Variants in HIP1 observed in about 807,000 individuals in gnomAD.
HIP1 encodes the protein huntingtin interacting protein 1, also known as huntingtin-interacting protein 1.
Under a neutral mutation model 147.6 loss-of-function variants are expected in HIP1, and 65 were observed. That is an observed-to-expected ratio of 0.44 (90% CI 0.36 to 0.54). HIP1 has a LOEUF of 0.54. Ranked by LOEUF, HIP1 falls within the 20% of genes least tolerant of loss-of-function variation. HIP1 has a pLI of 0.00. For synonymous variants in HIP1, 479 were observed against 504.0 expected, an observed-to-expected ratio of 0.95 and a Z score of 0.67; for missense variants, 1,061 against 1,299.6, an observed-to-expected ratio of 0.82 and a Z score of 2.82.
At chr7:75,563,384 A>T (rs782166263) in intron 9 of HIP1, 121 bp from the exon 10 acceptor site, 4 of 751,086 alleles carry the variant, frequency 5.3e-6, no homozygotes, top group Non-Finnish European at 9.2e-6. Context: ...TGTCAAGGAG[A>T]TAAACTCCAT....
At chr7:75,642,585 A>G (rs1554510637) in intron 1 of HIP1, among the ~76,000 whole-genome samples, 1 of 152,182 alleles carries the variant, frequency 6.6e-6, no homozygotes, top group East Asian at 1.9e-4. Context: ...TCTCAATGCT[A>G]TAGACATATC....
chr7:75,624,680 C>T (rs1288512355), intron 1 of HIP1, among the ~76,000 whole-genome samples: 3 of 152,168 alleles, frequency 2.0e-5, no homozygotes, highest in African/African-American at 7.2e-5. Context: ...CCTGGAGATC[C>T]GGCCCCCACT....
chr7:75,676,598 G>A (rs1799898222), intron 1 of HIP1, among the ~76,000 whole-genome samples: 1 of 151,838 alleles, frequency 6.6e-6, no homozygotes. Flanking sequence ...CCAACATGGT[G>A]AAACCCCGTC....
chr7:75,664,326 ATG>A (rs1799468974), intron 1 of HIP1, among the ~76,000 whole-genome samples: 4 of 145,400 alleles, frequency 2.8e-5, no homozygotes, highest in African/African-American at 2.5e-5. Context: ...ATACATACAC[ATG>A]CATATATATG....
chr7:75,641,188 C>G (rs556395470), intron 1 of HIP1, among the ~76,000 whole-genome samples: 1 of 152,118 alleles, frequency 6.6e-6, no homozygotes, highest in Non-Finnish European at 1.5e-5. Context: ...CACCTGCAAT[C>G]CCAGCCACTC....
chr7:75,649,832 TTCCA>T (rs1183792726), intron 1 of HIP1, among the ~76,000 whole-genome samples: 8 of 152,152 alleles, frequency 5.3e-5, no homozygotes, highest in African/African-American at 9.7e-5. Flanking sequence ...ACCTGGAATT[TTCCA>T]TCCCTTGGCC....
intron 1 of HIP1, chr7:75,627,098 G>A (rs2096941901): frequency 6.6e-6 from 1 of 152,176 alleles, no homozygotes; most frequent in African/African-American, 2.4e-5. Context: ...GTATTAAAAT[G>A]TACTCAGTGT....
At chr7:75,652,702 C>T (rs1297812984) in intron 1 of HIP1, among the ~76,000 whole-genome samples, 1 of 151,790 alleles carries the variant, frequency 6.6e-6, no homozygotes, top group African/African-American at 2.4e-5. Flanking sequence ...AAAAAAAACT[C>T]GTTTATAATG....
intron 8 of HIP1, among the ~76,000 whole-genome samples, chr7:75,573,325 T>A (rs1217752702): frequency 6.6e-6 from 1 of 152,164 alleles, no homozygotes; most frequent in Non-Finnish European, 1.5e-5. Context: ...AGCTGAACAC[T>A]CGACAGGACA....
At chr7:75,640,457 G>C (rs1798613763) in intron 1 of HIP1, among the ~76,000 whole-genome samples, 1 of 152,290 alleles carries the variant, frequency 6.6e-6, no homozygotes, top group Non-Finnish European at 1.5e-5. Flanking sequence ...CCTGGCTCCC[G>C]GCGGGCTCAC....
intron 8 of HIP1, among the ~76,000 whole-genome samples, chr7:75,570,868 G>C (rs1795603263): frequency 6.6e-6 from 1 of 151,814 alleles, no homozygotes; most frequent in Non-Finnish European, 1.5e-5. Flanking sequence ...AAATTAGCCA[G>C]GCATGGTGGC....
chr7:75,533,519 C>CCAA lies in HIP1; in HGVS notation c.*4650_*4652dup, dbSNP rs1309149777. ...GGTTAAAAACAGAAGAAAAACAAAC[C>CCAA]CAACCCTATCCCTGCAAACTGAAAT... On this transcript the variant is annotated 3_prime_UTR_variant, in exon 31 of 31. Transcript: ENST00000336926. 3.1e-4 allele frequency: 72 copies of CCAA among 232,124 alleles called. No homozygotes were observed. Among genetic ancestry groups the CCAA allele is most frequent in the African/African-American group, 1.5e-3 (68 of 45,360 alleles). 14.4% of individuals were successfully genotyped at this position (232,124 alleles called of 1,614,324 possible). A position where few individuals can be genotyped will look rare whatever the true frequency, so the allele number is the denominator to read the frequency against.
intron 1 of HIP1, among the ~76,000 whole-genome samples, chr7:75,718,950 G>A (rs1554520847): frequency 6.6e-6 from 1 of 152,108 alleles, no homozygotes; most frequent in Non-Finnish European, 1.5e-5. Flanking sequence ...TAATCAGGGA[G>A]CAGATAAACC....
At chr7:75,583,757 TG>T (rs1554499048) in intron 5 of HIP1, among the ~76,000 whole-genome samples, 8 of 6,280 alleles carry the variant, frequency 1.3e-3, no homozygotes, top group Admixed American at 5.1e-3. Flanking sequence ...CGGGCTAATT[TG>T]TGTGTGTGTG....
chr7:75,738,069 A>G (rs1373488784), intron 1 of HIP1, among the ~76,000 whole-genome samples: 1 of 152,174 alleles, frequency 6.6e-6, no homozygotes, highest in Non-Finnish European at 1.5e-5. Context: ...CAGGCAGGAC[A>G]AATAGGGCAG....
intron 22 of HIP1, among the ~76,000 whole-genome samples, chr7:75,550,179 A>G (rs189314498): frequency 3.7e-4 from 56 of 152,300 alleles, no homozygotes; most frequent in Non-Finnish European, 4.6e-4. Flanking sequence ...TGATTTTTAA[A>G]ACATGATGTG....
At chr7:75,679,681 T>TTCCTC in intron 1 of HIP1, among the ~76,000 whole-genome samples, 1 of 152,302 alleles carries the variant, frequency 6.6e-6, no homozygotes, top group East Asian at 1.9e-4. Flanking sequence ...TTAATTTTCT[T>TTCCTC]GTTTGGCTTC....
At chr7:75,611,748 G>A in intron 1 of HIP1, 1 of 1,037,590 alleles carries the variant, frequency 9.6e-7, no homozygotes. Context: ...CAGGACCTAA[G>A]ACCAAGCCGT....
rs1794106124 is a variant in HIP1, at chr7:75,537,005, A to AGAGGATGC, written c.*1159_*1166dup. The stretch of plus-strand genomic sequence containing the variant: ...GAAGGTGGAACGATCTTCCTATTCA[A>AGAGGATGC]GAGGATGCCAAGGCAGACGTCTGCA... On this transcript the variant is annotated 3_prime_UTR_variant, in exon 31 of 31. Transcript: ENST00000336926. 1 of 232,294 alleles carries AGAGGATGC rather than the reference A, an allele frequency of 4.3e-6. No homozygotes were observed. The highest frequency in any genetic ancestry group is 8.5e-6 in the Non-Finnish European group (1 of 117,434). The allele number at this position is 232,294 out of a possible 1,614,324, so 14.4% of individuals were successfully genotyped here.
Sources: allele counts gnomAD v4.1 joint callset (sites outside exome capture counted in the v4.1 genomes callset), GRCh38; gene constraint gnomAD v4.1.1; transcripts MANE v1.5; gene names NCBI Gene and HGNC (gene_info 2026-07-23, HGNC 2026-07-21).